The following ST8SIA6 variants were observed in gnomAD, a reference collection of about 807,000 sequenced individuals.
The protein encoded by ST8SIA6 is alpha-2,8-sialyltransferase 8F.
ST8SIA6 carries 39 observed loss-of-function variants against 33.6 expected under a neutral mutation model. The ratio of observed to expected loss-of-function variants is 1.16; its 90% confidence interval spans 0.90 to 1.52. The LOEUF (loss-of-function observed/expected upper bound fraction) is 1.52, where lower values mean the gene tolerates loss of function less well. Among genes scored for constraint, ST8SIA6 ranks in the 40% most tolerant of loss-of-function variants. The pLI, the probability that ST8SIA6 is intolerant of heterozygous loss-of-function variation, is 0.00. For synonymous variants in ST8SIA6, 172 were observed against 167.2 expected (o/e 1.03, Z -0.22); for missense variants, 441 against 443.8 (o/e 0.99, Z 0.06).
chr10:17,347,068 G>A (rs1234448339), intron 4 of ST8SIA6, among the ~76,000 whole-genome samples: 4 of 152,244 alleles, frequency 2.6e-5, no homozygotes, highest in African/African-American at 9.6e-5. Context: ...ATTGAGATGA[G>A]ACCCACCCAC....
chr10:17,336,203 C>T (rs978736803), intron 4 of ST8SIA6, among the ~76,000 whole-genome samples: 2 of 152,194 alleles, frequency 1.3e-5, no homozygotes, highest in African/African-American at 2.4e-5. Flanking sequence ...GTGATTTGCC[C>T]GCCTCAGCCT....
chr10:17,422,658 G>A (rs1378597431), intron 2 of ST8SIA6, among the ~76,000 whole-genome samples: 1 of 152,024 alleles, frequency 6.6e-6, no homozygotes, highest in Non-Finnish European at 1.5e-5. Context: ...TTAGTGAAAC[G>A]GACTGTAAAA....
At chr10:17,406,188 C>T (rs547380113) in intron 2 of ST8SIA6, among the ~76,000 whole-genome samples, 2 of 152,246 alleles carry the variant, frequency 1.3e-5, no homozygotes, top group Non-Finnish European at 2.9e-5. Flanking sequence ...TTCTGTTTGC[C>T]TAAAAGCAGG....
chr10:17,329,848 C>A (rs45538838), intron 5 of ST8SIA6, among the ~76,000 whole-genome samples: 3,931 of 152,216 alleles, frequency 0.026, 69 homozygotes, highest in African/African-American at 0.047. Flanking sequence ...CTGCTCATTG[C>A]CCACTCTGGT....
intron 6 of ST8SIA6, among the ~76,000 whole-genome samples, chr10:17,324,961 T>C (rs147075050): frequency 0.014 from 2,057 of 145,168 alleles, 29 homozygotes; most frequent in Admixed American, 0.02. Flanking sequence ...ACACATAATG[T>C]GTATATAATA....
At chr10:17,355,277 A>G (rs147430330) in intron 4 of ST8SIA6, among the ~76,000 whole-genome samples, 1 of 152,288 alleles carries the variant, frequency 6.6e-6, no homozygotes, top group Non-Finnish European at 1.5e-5. Flanking sequence ...TATCTTCTCA[A>G]TCCAATTTCT....
rs559995636 is a variant in ST8SIA6, at chr10:17,399,426, A to G, written c.201-8806T>C. 2.2e-4 allele frequency among the ~76,000 whole-genome samples: 33 copies of G among 152,330 alleles called. No individual in the cohort carries two copies. In the South Asian group the frequency reaches 6.4e-3, roughly 30 times the overall value. On this transcript the variant is annotated intron_variant, in intron 2 of 7. Coordinates refer to ENST00000377602, the MANE Select transcript of ST8SIA6 (RefSeq NM_001004470.3). Reference sequence around the variant, plus strand: ...GAGGAACTTTTCTTAAAATGACTTCATAGAACTTCATTCTTTTATACACAA... The same window carrying G: ...GAGGAACTTTTCTTAAAATGACTTCGTAGAACTTCATTCTTTTATACACAA...
chr10:17,358,214 T>C (rs1222932432), intron 4 of ST8SIA6, among the ~76,000 whole-genome samples: 1 of 152,114 alleles, frequency 6.6e-6, no homozygotes, highest in Non-Finnish European at 1.5e-5. Context: ...AGGAAGGCAC[T>C]CTTTCACCTA....
At chr10:17,368,907 T>C (rs1261720355) in intron 3 of ST8SIA6, among the ~76,000 whole-genome samples, 1 of 152,108 alleles carries the variant, frequency 6.6e-6, no homozygotes, top group African/African-American at 2.4e-5. Flanking sequence ...TAATAAGAAG[T>C]CTGATGCTAT....
rs1213986521 is a variant in ST8SIA6 at position 17,327,062 on chromosome 10, T to C, written c.587A>G (p.Asn196Ser). 5.6e-6 allele frequency: 9 copies of C among 1,610,398 alleles called. No individual in the cohort carries two copies. The highest frequency in any genetic ancestry group is 7.6e-6 in the Non-Finnish European group (9 of 1,178,544). ...CAVVGNGGIL[N>S]KSLCGTEIDK... ...TATTTCAGTTCCACAGAGAGACTTA[T>C]TCAGAATTCCCCCATTTCCGACCAC... is the stretch of plus-strand genomic sequence containing the variant. The change falls in exon 6 of 8, where the codon AAT becomes AGT. Residue 196 changes from asparagine (N) to serine (S), a missense_variant. By Grantham distance (46) the Asn-to-Ser change is conservative. Coordinates refer to ENST00000377602, the MANE Select transcript of ST8SIA6 (RefSeq NM_001004470.3).
rs150123035 is a variant in ST8SIA6 at position 17,372,943 on chromosome 10, G to C, written c.291-13343C>G. Among the ~76,000 whole-genome samples, 310 of 152,272 alleles carry C rather than the reference G, an allele frequency of 2.0e-3. 1 individual carries two copies. The highest frequency in any genetic ancestry group is 7.1e-3 in the African/African-American group (297 of 41,544). Reference sequence around the variant, plus strand: ...GGATCTTTAAGGCTGTGATCTGAGAGACCAAAATAGATGCCCTTTTATGAA... The same window carrying C: ...GGATCTTTAAGGCTGTGATCTGAGACACCAAAATAGATGCCCTTTTATGAA... On this transcript the variant is annotated intron_variant, in intron 3 of 7. Transcript: ENST00000377602.
chr10:17,443,280 G>C (rs1852570594), intron 2 of ST8SIA6, among the ~76,000 whole-genome samples: 1 of 152,126 alleles, frequency 6.6e-6, no homozygotes, highest in African/African-American at 2.4e-5. Flanking sequence ...TTATTTTATA[G>C]AGTTAGGAAA....
chr10:17,326,500 C>A (rs150187485), intron 6 of ST8SIA6, among the ~76,000 whole-genome samples: 43 of 152,248 alleles, frequency 2.8e-4, no homozygotes, highest in African/African-American at 1.0e-3. Context: ...AGAAGCTGTA[C>A]AAATTTGTTT....
chr10:17,370,651 C>G lies in ST8SIA6; in HGVS notation c.291-11051G>C, dbSNP rs145243873. On this transcript the variant is annotated intron_variant, in intron 3 of 7. Coordinates refer to ENST00000377602, the MANE Select transcript of ST8SIA6 (RefSeq NM_001004470.3). Reference sequence around the variant, plus strand: ...TGATATTATTATTATAGGTATTAGGCCTATTAATGTTACAAACCCAACTAT... The same window carrying G: ...TGATATTATTATTATAGGTATTAGGGCTATTAATGTTACAAACCCAACTAT... Among the ~76,000 whole-genome samples, 382 of 152,110 alleles carry G rather than the reference C, an allele frequency of 2.5e-3. 2 individuals are homozygous for G. Among genetic ancestry groups the G allele is most frequent in the African/African-American group, 8.9e-3 (368 of 41,496 alleles).
chr10:17,380,344 G>C (rs2131642860), intron 3 of ST8SIA6, among the ~76,000 whole-genome samples: 1 of 152,280 alleles, frequency 6.6e-6, no homozygotes, highest in Middle Eastern at 3.4e-3. Context: ...TTAACAACCA[G>C]CTGGTGTTAA....
At chr10:17,435,648 C>T (rs1233309436) in intron 2 of ST8SIA6, among the ~76,000 whole-genome samples, 2 of 127,060 alleles carry the variant, frequency 1.6e-5, no homozygotes, top group South Asian at 4.9e-4. Context: ...ATTTGGGTGA[C>T]TATTCTCTAT....
chr10:17,365,932 G>C (rs1849543974), intron 3 of ST8SIA6, among the ~76,000 whole-genome samples: 1 of 152,126 alleles, frequency 6.6e-6, no homozygotes. Context: ...GTGATGTTCT[G>C]TGTAGATCAA....
rs1849218558 is a variant in ST8SIA6, at chr10:17,357,065, G to A, written c.377+2449C>T. On this transcript the variant is annotated intron_variant, in intron 4 of 7. Coordinates refer to ENST00000377602, the MANE Select transcript of ST8SIA6 (RefSeq NM_001004470.3). ...AGGGATTTCCTTCTGCTCCTATCGG[G>A]CATCTAAGTTAAGGGCAGATCTAAA... 2.0e-5 allele frequency among the ~76,000 whole-genome samples: 3 copies of A among 152,084 alleles called. No homozygotes were observed. In the South Asian group the frequency reaches 6.2e-4, roughly 31 times the overall value.
intron 2 of ST8SIA6, among the ~76,000 whole-genome samples, chr10:17,393,900 A>C (rs1259748455): frequency 1.3e-5 from 2 of 152,140 alleles, no homozygotes; most frequent in Admixed American, 6.5e-5. Context: ...CTTCCTTCCC[A>C]ATTCCCTCTA....
Sources: allele counts gnomAD v4.1 joint callset (sites outside exome capture counted in the v4.1 genomes callset), GRCh38; gene constraint gnomAD v4.1.1; transcripts MANE v1.5; gene names NCBI Gene and HGNC (gene_info 2026-07-23, HGNC 2026-07-21).